Variants in NFX1 observed in about 807,000 individuals in gnomAD.
The protein encoded by NFX1 is transcriptional repressor NF-X1.
NFX1 carries 69 observed loss-of-function variants against 137.2 expected under a neutral mutation model. The observed-to-expected ratio is 0.50, with a 90% CI of 0.41 to 0.61. The LOEUF is 0.61. Among genes scored for constraint, NFX1 ranks in the 20% least tolerant of loss-of-function variants. The pLI, the probability that NFX1 is intolerant of heterozygous loss-of-function variation, is 0.00. For missense variants in NFX1, 1,167 were observed against 1,391.0 expected (o/e 0.84, Z 2.56); for synonymous variants, 495 against 474.1 (o/e 1.04, Z -0.57).
rs77249146 is a variant in NFX1, at chr9:33,292,347, T to C, written c.25+1750T>C. 3.9e-5 allele frequency among the ~76,000 whole-genome samples: 6 copies of C among 152,356 alleles called. No homozygotes were observed. The East Asian group carries it at 1.2e-3, about 29-fold the overall frequency. ...TCAAAGTCTTTAAACAGAAGCCCAG[T>C]GCAGAGGATACTTTTCTGCCGGTGA... On this transcript the variant is annotated intron_variant, in intron 1 of 23. Coordinates refer to ENST00000379540, the MANE Select transcript of NFX1 (RefSeq NM_002504.6).
At chr9:33,351,069 T>C (rs1823618889) in intron 15 of NFX1, among the ~76,000 whole-genome samples, 1 of 152,062 alleles carries the variant, frequency 6.6e-6, no homozygotes, top group Admixed American at 6.6e-5. Context: ...ACTTGAACCC[T>C]GGAGGTGGAG....
At position 33,363,894 on chromosome 9, in the gene NFX1, A is replaced by G. The variant is rs566185288; in HGVS notation, c.2874-116A>G. ...TATTCTCTCCTTAATAATCCAGTTTACCAAAATAGAGATAAATAATGTGTA... is the reference window on the plus strand; with the variant it reads ...TATTCTCTCCTTAATAATCCAGTTTGCCAAAATAGAGATAAATAATGTGTA... On this transcript the variant is annotated intron_variant, in intron 19 of 23. Coordinates refer to ENST00000379540, the MANE Select transcript of NFX1 (RefSeq NM_002504.6). 1.1e-5 allele frequency: 6 copies of G among 564,198 alleles called. No individual in the cohort carries two copies. In the South Asian group the frequency reaches 1.3e-4, roughly 12 times the overall value. The allele number at this position is 564,198 out of a possible 1,614,324, so 34.9% of individuals were successfully genotyped here.
rs1822691689 is a variant in NFX1, at chr9:33,328,774, G to A, written c.2004+96G>A. ...GAATCAAAATAACCTCAGTAGATTAGGTATGGGAAGTGGTTGTGGCACTCA... is the reference window on the plus strand; with the variant it reads ...GAATCAAAATAACCTCAGTAGATTAAGTATGGGAAGTGGTTGTGGCACTCA... On this transcript the variant is annotated intron_variant, in intron 10 of 23. Coordinates refer to ENST00000379540, the MANE Select transcript of NFX1 (RefSeq NM_002504.6). The A allele has an allele frequency of 4.0e-6, 4 of 989,564 alleles. No individual in the cohort carries two copies. In the Admixed American group the frequency reaches 6.2e-5, roughly 15 times the overall value. The allele number at this position is 989,564 out of a possible 1,614,324, so 61.3% of individuals were successfully genotyped here. A position where few individuals can be genotyped will look rare whatever the true frequency, so the allele number is the denominator to read the frequency against.
In NFX1 at chr9:33,344,179, G is replaced by C. The variant is rs1458445354; in HGVS notation, c.2335G>C (p.Asp779His). 1 of 1,613,798 alleles carries C rather than the reference G, an allele frequency of 6.2e-7. No individual in the cohort carries two copies. Among genetic ancestry groups the C allele is most frequent in the African/African-American group, 1.3e-5 (1 of 74,918 alleles). ...AACCTGCGCTAGAGTCCATGAGTGTGACCATCCAGGTGAGTACCAACTTGT... is the reference window on the plus strand; with the variant it reads ...AACCTGCGCTAGAGTCCATGAGTGTCACCATCCAGGTGAGTACCAACTTGT... ...TQTCARVHEC[D>H]HPVYHSCHSE... The change falls in exon 14 of 24, where the codon GAC becomes CAC. Residue 779 changes from aspartate to histidine, a missense_variant. Transcript: ENST00000379540.
chr9:33,365,585 A>C (rs1280154474), intron 21 of NFX1: 1 of 152,156 alleles, frequency 6.6e-6, no homozygotes, highest in African/African-American at 2.4e-5. Flanking sequence ...TCCAGCTTGG[A>C]TCTCCAGCTT....
Position 33,344,191 on chromosome 9 carries a change from G to A in NFX1, c.2344+3G>A, listed in dbSNP as rs1168374964. The A allele has an allele frequency of 2.5e-6, 4 of 1,613,734 alleles. No homozygotes were observed. The South Asian group carries it at 3.3e-5, about 13-fold the overall frequency. On this transcript the variant is annotated splice_donor_region_variant and intron_variant, in intron 14 of 23. Coordinates refer to ENST00000379540, the MANE Select transcript of NFX1 (RefSeq NM_002504.6). The stretch of plus-strand genomic sequence containing the variant: ...AGTCCATGAGTGTGACCATCCAGGT[G>A]AGTACCAACTTGTCTTCACACTTCA...
intron 5 of NFX1, among the ~76,000 whole-genome samples, chr9:33,309,936 C>T (rs1398979157): frequency 6.6e-6 from 1 of 152,168 alleles, no homozygotes; most frequent in African/African-American, 2.4e-5. Context: ...CTAGAATCAC[C>T]CACACCTGAC....
At chr9:33,336,546 G>C (rs1002456819) in intron 11 of NFX1, among the ~76,000 whole-genome samples, 7 of 152,066 alleles carry the variant, frequency 4.6e-5, no homozygotes, top group Non-Finnish European at 1.0e-4. Context: ...AGCCATCCTA[G>C]TGAAGTGATA....
chr9:33,319,965 C>CTT (rs796293415), intron 9 of NFX1, among the ~76,000 whole-genome samples: 11 of 140,240 alleles, frequency 7.8e-5, no homozygotes, highest in African/African-American at 2.1e-4. Flanking sequence ...CTTTTCTTTT[C>CTT]TTTTTTTTTT....
intron 1 of NFX1, among the ~76,000 whole-genome samples, chr9:33,291,557 G>GT (rs1373108989): frequency 6.6e-6 from 1 of 152,180 alleles, no homozygotes; most frequent in Admixed American, 6.5e-5. Flanking sequence ...GACCATATAT[G>GT]TATTTGTATA....
intron 2 of NFX1, among the ~76,000 whole-genome samples, chr9:33,298,750 C>G (rs1646076710): frequency 6.6e-6 from 1 of 152,056 alleles, no homozygotes; most frequent in Non-Finnish European, 1.5e-5. Flanking sequence ...TGCCACTGCA[C>G]TCTAGCCTGG....
intron 12 of NFX1, among the ~76,000 whole-genome samples, chr9:33,339,360 AG>A (rs1823132937): frequency 6.6e-6 from 1 of 152,200 alleles, no homozygotes; most frequent in South Asian, 2.1e-4. Flanking sequence ...GAGTTTGTCC[AG>A]GAAATGGCCT....
intron 21 of NFX1, chr9:33,365,043 G>A: frequency 1.7e-6 from 2 of 1,187,226 alleles, no homozygotes; most frequent in South Asian, 1.9e-5. Flanking sequence ...GGAGGCCAAG[G>A]CAGGCAGATC....
At chr9:33,313,517 T>G in intron 6 of NFX1, 137 bp from the exon 7 acceptor site, 7 of 685,018 alleles carry the variant, frequency 1.0e-5, no homozygotes, top group Admixed American at 4.9e-5. Flanking sequence ...GAGGGAGACA[T>G]AGGAAAAAGT....
At chr9:33,323,137 A>T (rs911596690) in intron 9 of NFX1, among the ~76,000 whole-genome samples, 43 of 152,186 alleles carry the variant, frequency 2.8e-4, no homozygotes, top group Non-Finnish European at 3.2e-4. Flanking sequence ...GCTTGAAACG[A>T]CTGTCATTCC....
At position 33,364,058 on chromosome 9, in the gene NFX1, T is replaced by C; in HGVS notation, c.2922T>C (p.Asn974=). 3 of 1,606,984 alleles carry C rather than the reference T, an allele frequency of 1.9e-6. No individual in the cohort carries two copies. Among genetic ancestry groups the C allele is most frequent in the South Asian group, 1.1e-5 (1 of 89,394 alleles). ...TCAGTGAGGATTCTGATCCTTTCAA[T>C]ATACGTTCTTCAGGGTCAAAATTCA... ...FHISEDSDPF[N]IRSSGSKFSD... is the part of the protein sequence containing the mutation. Residue 974 remains asparagine, a synonymous_variant, in exon 20 of 24, where the codon AAT becomes AAC. Coordinates refer to ENST00000379540, the MANE Select transcript of NFX1 (RefSeq NM_002504.6).
At chr9:33,333,426 GCTT>G (rs1822885555) in intron 11 of NFX1, among the ~76,000 whole-genome samples, 1 of 152,184 alleles carries the variant, frequency 6.6e-6, no homozygotes, top group Admixed American at 6.5e-5. Context: ...CTTCAATTTG[GCTT>G]CTCTGTGGTT....
At chr9:33,335,425 G>T (rs1822968050) in intron 11 of NFX1, among the ~76,000 whole-genome samples, 1 of 151,428 alleles carries the variant, frequency 6.6e-6, no homozygotes, top group South Asian at 2.1e-4. Context: ...TAGAGACGGG[G>T]TTTCACCATG....
intron 9 of NFX1, among the ~76,000 whole-genome samples, chr9:33,326,449 T>C (rs1016145082): frequency 2.7e-5 from 4 of 148,266 alleles, no homozygotes; most frequent in Admixed American, 1.3e-4. Flanking sequence ...CTGGGCACTG[T>C]AGCTCTCACC....
Sources: allele counts gnomAD v4.1 joint callset (sites outside exome capture counted in the v4.1 genomes callset), GRCh38; gene constraint gnomAD v4.1.1; transcripts MANE v1.5; gene names NCBI Gene and HGNC (gene_info 2026-07-23, HGNC 2026-07-21).